PCCA: variants seen among roughly 807,000 people sequenced by gnomAD.
PCCA encodes propionyl-CoA carboxylase subunit alpha, also known as propionyl-CoA carboxylase alpha chain, mitochondrial.
In PCCA, 74 loss-of-function variants were observed where a neutral mutation model predicts 101.3. The observed-to-expected ratio is 0.73, with a 90% confidence interval of 0.61 to 0.89. The LOEUF is 0.89. Among genes scored for constraint, PCCA ranks in the 40% least tolerant of loss-of-function variants. The pLI, the probability that PCCA is intolerant of heterozygous loss-of-function variation, is 0.00. For missense variants in PCCA, 891 were observed against 907.0 expected, an observed-to-expected ratio of 0.98 and a Z score of 0.23; for synonymous variants, 294 against 313.6, an observed-to-expected ratio of 0.94 and a Z score of 0.66.
chr13:100,401,068 A>G (rs538787848), intron 19 of PCCA, among the ~76,000 whole-genome samples: 1 of 152,268 alleles, frequency 6.6e-6, no homozygotes, highest in Non-Finnish European at 1.5e-5. Flanking sequence ...AGAAACCAAG[A>G]TCATATTTCA....
At chr13:100,451,703 C>CCTCTCCT (rs1267570734) in intron 21 of PCCA, among the ~76,000 whole-genome samples, 2 of 128,508 alleles carry the variant, frequency 1.6e-5, no homozygotes, top group African/African-American at 5.9e-5. Context: ...CTCTTCCCCT[C>CCTCTCCT]CTCTCCTCTC....
At chr13:100,223,237 T>C (rs1198926730) in intron 7 of PCCA, among the ~76,000 whole-genome samples, 1 of 152,044 alleles carries the variant, frequency 6.6e-6, no homozygotes, top group Non-Finnish European at 1.5e-5. Context: ...GTGTCCGGAA[T>C]TGGTGGGTTC....
intron 4 of PCCA, chr13:100,151,185 C>T (rs2053268217): frequency 8.3e-6 from 6 of 720,260 alleles, no homozygotes; most frequent in Non-Finnish European, 1.3e-5. Flanking sequence ...TTTTCTCAGT[C>T]CTGTAAGATG....
intron 12 of PCCA, among the ~76,000 whole-genome samples, chr13:100,282,665 A>C (rs1057479837): frequency 6.6e-6 from 1 of 152,186 alleles, no homozygotes; most frequent in Non-Finnish European, 1.5e-5. Context: ...TCTGATGGGG[A>C]AAAATGGCCA....
rs1046806977 is a variant in PCCA, at chr13:100,495,901, T to G, written c.1900-19526T>G. Among the ~76,000 whole-genome samples the G allele has an allele frequency of 2.0e-5, 3 of 152,244 alleles. No individual in the cohort carries two copies. The South Asian group carries it at 6.2e-4, about 31-fold the overall frequency. The stretch of plus-strand genomic sequence containing the variant: ...AACAATAATACAAAGAATGTCCAGA[T>G]AATTTCACCCAGAGTCCGCAAATGT... On this transcript the variant is annotated intron_variant, in intron 21 of 23. Coordinates refer to ENST00000376285, the MANE Select transcript of PCCA (RefSeq NM_000282.4).
chr13:100,260,541 C>T lies in PCCA; in HGVS notation c.717-2188C>T, dbSNP rs113751360. Among the ~76,000 whole-genome samples the T allele has an allele frequency of 1.9e-3, 287 of 151,802 alleles. 1 individual carries two copies. Among genetic ancestry groups the T allele is most frequent in the African/African-American group, 6.6e-3 (272 of 41,404 alleles). On this transcript the variant is annotated intron_variant, in intron 9 of 23. Coordinates refer to ENST00000376285, the MANE Select transcript of PCCA (RefSeq NM_000282.4). ...CCTCCCAAGTAGCTGGGACTACAGG[C>T]GCACACTGCCACGCCTGGCTAATTT...
At chr13:100,341,308 C>A (rs1402625726) in intron 18 of PCCA, among the ~76,000 whole-genome samples, 1 of 152,102 alleles carries the variant, frequency 6.6e-6, no homozygotes, top group African/African-American at 2.4e-5. Flanking sequence ...AAACTTCTTT[C>A]CCAATATAAA....
intron 21 of PCCA, chr13:100,490,653 A>G (rs982263007): frequency 6.6e-6 from 1 of 152,218 alleles, no homozygotes; most frequent in Non-Finnish European, 1.5e-5. Context: ...TTGTGCAGCC[A>G]TCACCACGTT....
intron 6 of PCCA, among the ~76,000 whole-genome samples, chr13:100,190,617 G>A (rs1480032459): frequency 1.3e-5 from 2 of 152,166 alleles, no homozygotes; most frequent in South Asian, 4.1e-4. Context: ...GGAGGCTGCA[G>A]TGAGCCGAGA....
At chr13:100,451,052 A>G (rs542150379) in intron 21 of PCCA, among the ~76,000 whole-genome samples, 1 of 152,322 alleles carries the variant, frequency 6.6e-6, no homozygotes, top group African/African-American at 2.4e-5. Context: ...CTGGAGACCC[A>G]GGGGAGCGTT....
intron 19 of PCCA, among the ~76,000 whole-genome samples, chr13:100,395,427 A>C: frequency 6.6e-6 from 1 of 152,226 alleles, no homozygotes; most frequent in Non-Finnish European, 1.5e-5. Context: ...AATAATCAAC[A>C]AAGGCTTTAA....
rs527502667 is a variant in PCCA, at chr13:100,100,301, C to G, written c.106-2582C>G. 5.9e-5 allele frequency among the ~76,000 whole-genome samples: 9 copies of G among 152,260 alleles called. No homozygotes were observed. In the East Asian group the frequency reaches 1.7e-3, roughly 29 times the overall value. ...TCTATGTGTGGAAAATACAGGAAAT[C>G]ATTATTCCTGTGGGAGAGAACCAGT... On this transcript the variant is annotated intron_variant, in intron 1 of 23. Transcript: ENST00000376285.
At chr13:100,226,526 C>T (rs769270845) in intron 7 of PCCA, among the ~76,000 whole-genome samples, 1 of 152,120 alleles carries the variant, frequency 6.6e-6, no homozygotes, top group Non-Finnish European at 1.5e-5. Flanking sequence ...AAGAATGATT[C>T]GAATGTGCCT....
At chr13:100,504,119 T>C in intron 21 of PCCA, among the ~76,000 whole-genome samples, 1 of 148,472 alleles carries the variant, frequency 6.7e-6, no homozygotes, top group Admixed American at 6.6e-5. Flanking sequence ...CCTATAACTA[T>C]TTTTAACTCC....
chr13:100,339,337 G>T (rs2070968699), intron 17 of PCCA, among the ~76,000 whole-genome samples: 1 of 152,164 alleles, frequency 6.6e-6, no homozygotes, highest in Admixed American at 6.5e-5. Context: ...CCTTATGGCT[G>T]ACGAGCCAGC....
chr13:100,271,782 T>A (rs922616237), intron 11 of PCCA, among the ~76,000 whole-genome samples: 1 of 152,202 alleles, frequency 6.6e-6, no homozygotes, highest in Admixed American at 6.5e-5. Flanking sequence ...GAAACAGACA[T>A]GTATGTTTTT....
At chr13:100,140,110 T>C (rs1284699602) in intron 4 of PCCA, among the ~76,000 whole-genome samples, 1 of 152,180 alleles carries the variant, frequency 6.6e-6, no homozygotes, top group East Asian at 1.9e-4. Context: ...ATTGTGTCAC[T>C]TCTCCATGCT....
At chr13:100,456,029 C>T (rs1362850562) in intron 21 of PCCA, among the ~76,000 whole-genome samples, 1 of 152,186 alleles carries the variant, frequency 6.6e-6, no homozygotes, top group Non-Finnish European at 1.5e-5. Context: ...GGGTTTTGTG[C>T]ATTGAGTATG....
chr13:100,349,100 G>T (rs925181151), intron 18 of PCCA, among the ~76,000 whole-genome samples: 2 of 151,680 alleles, frequency 1.3e-5, no homozygotes, highest in African/African-American at 4.8e-5. Context: ...GCACCGCCAG[G>T]CCCGGCTAAT....
Sources: allele counts gnomAD v4.1 joint callset (sites outside exome capture counted in the v4.1 genomes callset), GRCh38; gene constraint gnomAD v4.1.1; transcripts MANE v1.5; gene names NCBI Gene and HGNC (gene_info 2026-07-23, HGNC 2026-07-21).